SF3B1: variants seen among roughly 807,000 people sequenced by gnomAD.
The protein encoded by SF3B1 is splicing factor 3b subunit 1.
In SF3B1, 12 loss-of-function variants were observed where a neutral mutation model predicts 153.8. The observed-to-expected ratio is 0.08, with a 90% confidence interval of 0.05 to 0.13. SF3B1 has a LOEUF of 0.13. SF3B1 is among the 10% of genes least tolerant of loss of function. The pLI is 1.00. For missense variants in SF3B1, 513 were observed against 1,606.1 expected, an observed-to-expected ratio of 0.32 and a Z score of 11.63; for synonymous variants, 498 against 525.2, an observed-to-expected ratio of 0.95 and a Z score of 0.71.
intron 22 of SF3B1, 103 bp from the exon 23 acceptor site, chr2:197,396,431 A>T: frequency 4.5e-6 from 4 of 879,812 alleles, no homozygotes; most frequent in Non-Finnish European, 6.9e-6. Context: ...TAATAATTAC[A>T]GGGAACTCAG....
At chr2:197,408,752 G>C (rs924938791) in intron 7 of SF3B1, 171 bp from the exon 8 acceptor site, 5 of 591,730 alleles carry the variant, frequency 8.4e-6, no homozygotes, top group Non-Finnish European at 1.5e-5. Flanking sequence ...ATGAAACTCT[G>C]TCTCTACTAA....
chr2:197,397,568 G>C (rs1398025473), intron 22 of SF3B1, among the ~76,000 whole-genome samples: 1 of 152,184 alleles, frequency 6.6e-6, no homozygotes, highest in Non-Finnish European at 1.5e-5. Context: ...GGCCAAGATA[G>C]GTGGCTCACT....
intron 4 of SF3B1, chr2:197,419,185 C>A: frequency 6.5e-6 from 3 of 462,952 alleles, no homozygotes; most frequent in South Asian, 4.5e-5. Context: ...TTTTGTTGAC[C>A]CAGAAAACAT....
chr2:197,402,223 CA>C lies in SF3B1; in HGVS notation c.2078-94del, dbSNP rs1405347620. 1 of 1,412,776 alleles carries C rather than the reference CA, an allele frequency of 7.1e-7. No homozygotes were observed. 87.5% of individuals were successfully genotyped at this position (1,412,776 alleles called of 1,614,324 possible). A position where few individuals can be genotyped will look rare whatever the true frequency, so the allele number is the denominator to read the frequency against. On this transcript the variant is annotated intron_variant, in intron 14 of 24. Transcript: ENST00000335508. This position sits in a 1 kb window ranked among gnomAD's most constrained non-coding sequence, Gnocchi z 4.6. ...TCTCTCAATATATCAACTATTCAGC[CA>C]AACTGCAGAATATGTTCACATTAAA...
At chr2:197,396,407 A>T in intron 22 of SF3B1, 79 bp from the exon 23 acceptor site, 1 of 1,249,426 alleles carries the variant, frequency 8.0e-7, no homozygotes, top group Non-Finnish European at 1.1e-6. Context: ...ATAAAGATGA[A>T]AACTTTTAAG....
At chr2:197,396,380 A>G (rs2084874321) in intron 22 of SF3B1, 52 bp from the exon 23 acceptor site, 3 of 1,479,504 alleles carry the variant, frequency 2.0e-6, no homozygotes, top group Non-Finnish European at 2.7e-6. Context: ...TCAAAAATTT[A>G]TGGAAGAAAA....
At chr2:197,409,700 A>G in intron 7 of SF3B1, 70 bp downstream of exon 7, 1 of 1,221,588 alleles carries the variant, frequency 8.2e-7, no homozygotes, top group Non-Finnish European at 1.2e-6. Context: ...AGGAATAAAC[A>G]GAACACATTT....
chr2:197,402,530 A>G lies in SF3B1; in HGVS notation c.2077+26T>C. 10 of 1,596,198 alleles carry G rather than the reference A, an allele frequency of 6.3e-6. No individual in the cohort carries two copies. The highest frequency in any genetic ancestry group is 8.5e-6 in the Non-Finnish European group (10 of 1,171,732). On this transcript the variant is annotated intron_variant, in intron 14 of 24. Transcript: ENST00000335508. The surrounding 1 kb of genome is among the most constrained non-coding windows in gnomAD (Gnocchi z 4.6). ...CCCTGTCTCCTAAAGAAAAAAAAAA[A>G]AAGACAAAGTTACATTACAACTTAC...
intron 6 of SF3B1, among the ~76,000 whole-genome samples, chr2:197,415,857 C>T (rs905830575): frequency 6.6e-5 from 10 of 152,008 alleles, no homozygotes; most frequent in African/African-American, 1.4e-4. Context: ...TGGAATGCAG[C>T]GGCATGATCA....
chr2:197,394,856 G>T (rs1574523175), intron 23 of SF3B1, among the ~76,000 whole-genome samples: 1 of 151,818 alleles, frequency 6.6e-6, no homozygotes, highest in Non-Finnish European at 1.5e-5. Context: ...AGTATGCCGA[G>T]ATCATGCCAC....
rs375530818 is a variant in SF3B1, at chr2:197,407,814, A to G, written c.1239+184T>C. 1.4e-5 allele frequency: 7 copies of G among 513,686 alleles called. No homozygotes were observed. The Admixed American group carries it at 2.4e-4, about 17-fold the overall frequency. The allele number at this position is 513,686 out of a possible 1,614,324, so 31.8% of individuals were successfully genotyped here. ...TTGAGATGTCTTTCAAAAAGTAATAAAAGTTTCATGTTGTTCATTTCTTTT... is the reference window on the plus strand; with the variant it reads ...TTGAGATGTCTTTCAAAAAGTAATAGAAGTTTCATGTTGTTCATTTCTTTT... On this transcript the variant is annotated intron_variant, in intron 9 of 24. Coordinates refer to ENST00000335508, the MANE Select transcript of SF3B1 (RefSeq NM_012433.4).
chr2:197,392,564 G>A (rs2084821519), intron 24 of SF3B1, 103 bp from the exon 25 acceptor site: 1 of 208,620 alleles, frequency 4.8e-6, no homozygotes, highest in Non-Finnish European at 8.5e-6. Flanking sequence ...ATTTCCCTTG[G>A]GGAGTTGGGG....
intron 5 of SF3B1, among the ~76,000 whole-genome samples, chr2:197,418,261 A>AAAAAAAAAAAAAAAAAAAAAC: frequency 7.1e-6 from 1 of 140,926 alleles, no homozygotes; most frequent in Non-Finnish European, 1.5e-5. Flanking sequence ...AAAAAAAAAA[A>AAAAAAAAAAAAAAAAAAAAAC]AAATCCCTTG....
Position 197,389,838 on chromosome 2 carries a change from G to A in SF3B1, c.*2465C>T, listed in dbSNP as rs2084791233. On this transcript the variant is annotated 3_prime_UTR_variant, in exon 25 of 25. Coordinates refer to ENST00000335508, the MANE Select transcript of SF3B1 (RefSeq NM_012433.4). ...TGGTACTTGGTGCTCACAGGGCACT[G>A]TACAACAAATTTTAAAAATACAATA... The A allele has an allele frequency of 6.6e-6, 1 of 152,016 alleles. No homozygotes were observed. Among genetic ancestry groups the A allele is most frequent in the Non-Finnish European group, 1.5e-5 (1 of 68,012 alleles). The allele number at this position is 152,016 out of a possible 1,614,324, so 9.4% of individuals were successfully genotyped here.
rs779135976 is a variant in SF3B1, at chr2:197,401,891, A to G, written c.2224-3T>C. The stretch of plus-strand genomic sequence containing the variant: ...GCCTTCAAGAAAGCAGCCAAACCCT[A>G]TTTTTAAATAAAAAATATATGTACT... On this transcript the variant is annotated splice_region_variant and splice_polypyrimidine_tract_variant and intron_variant, in intron 15 of 24. Coordinates refer to ENST00000335508, the MANE Select transcript of SF3B1 (RefSeq NM_012433.4). The surrounding 1 kb of genome is among the most constrained non-coding windows in gnomAD (Gnocchi z 4.2). 5 of 1,586,458 alleles carry G rather than the reference A, an allele frequency of 3.2e-6. No homozygotes were observed. In the South Asian group the frequency reaches 5.9e-5, roughly 19 times the overall value.
At position 197,403,571 on chromosome 2, in the gene SF3B1, T is replaced by A. The variant is rs756932410; in HGVS notation, c.1719+14A>T. On this transcript the variant is annotated intron_variant, in intron 12 of 24. Transcript: ENST00000335508. ...AACTTTAAACTATCAGAAACACTATTAAGGAGAACAAACCTTATGCACATA... is the reference window on the plus strand; with the variant it reads ...AACTTTAAACTATCAGAAACACTATAAAGGAGAACAAACCTTATGCACATA... 2 of 1,516,894 alleles carry A rather than the reference T, an allele frequency of 1.3e-6. No homozygotes were observed. Among genetic ancestry groups the A allele is most frequent in the Non-Finnish European group, 1.8e-6 (2 of 1,134,226 alleles). 94.0% of individuals were successfully genotyped at this position (1,516,894 alleles called of 1,614,324 possible).
intron 1 of SF3B1, among the ~76,000 whole-genome samples, chr2:197,424,564 T>C (rs1014426555): frequency 6.6e-6 from 1 of 151,992 alleles, no homozygotes; most frequent in Non-Finnish European, 1.5e-5. Flanking sequence ...ATGTCCCCAG[T>C]TGCCCTAGTA....
At position 197,399,954 on chromosome 2, in the gene SF3B1, CA is replaced by C. The variant is rs1446829857; in HGVS notation, c.3013+100del. 6.5e-5 allele frequency: 52 copies of C among 803,692 alleles called. 1 individual carries two copies. The Admixed American group carries it at 1.1e-3, about 17-fold the overall frequency. 49.8% of individuals were successfully genotyped at this position (803,692 alleles called of 1,614,324 possible). A position where few individuals can be genotyped will look rare whatever the true frequency, so the allele number is the denominator to read the frequency against. Reference sequence around the variant, plus strand: ...TCTTGAAGTGCTTTTAAAAAGCTAACAAAAACCTCCCAACTCCTAAATAAGA... The same window carrying C: ...TCTTGAAGTGCTTTTAAAAAGCTAACAAAACCTCCCAACTCCTAAATAAGA... On this transcript the variant is annotated intron_variant, in intron 20 of 24. Coordinates refer to ENST00000335508, the MANE Select transcript of SF3B1 (RefSeq NM_012433.4).
chr2:197,407,682 C>T (rs1179362390), intron 9 of SF3B1, among the ~76,000 whole-genome samples: 2 of 151,738 alleles, frequency 1.3e-5, no homozygotes, highest in East Asian at 3.9e-4. Context: ...CTTGGTGAAG[C>T]ACCAAGTAAA....
Sources: allele counts gnomAD v4.1 joint callset (sites outside exome capture counted in the v4.1 genomes callset), GRCh38; gene constraint gnomAD v4.1.1; non-coding constraint Gnocchi (gnomAD v3.1); transcripts MANE v1.5; gene names NCBI Gene and HGNC (gene_info 2026-07-23, HGNC 2026-07-21).